Variants in PTPRO observed in about 807,000 individuals in gnomAD.
PTPRO encodes protein tyrosine phosphatase receptor type O.
In PTPRO, 62 loss-of-function variants were observed where a neutral mutation model predicts 145.2. The ratio of observed to expected loss-of-function variants is 0.43; its 90% CI spans 0.35 to 0.53. The LOEUF (loss-of-function observed/expected upper bound fraction) is 0.53. Among genes scored for constraint, PTPRO ranks in the 20% least tolerant of loss-of-function variants. PTPRO has a pLI of 0.01. For synonymous variants in PTPRO, 565 were observed against 514.7 expected, an observed-to-expected ratio of 1.10 and a Z score of -1.32; for missense variants, 1,345 against 1,482.7, an observed-to-expected ratio of 0.91 and a Z score of 1.53.
At chr12:15,530,207 C>T (rs116179960) in intron 12 of PTPRO, among the ~76,000 whole-genome samples, 28 of 152,178 alleles carry the variant, frequency 1.8e-4, no homozygotes, top group African/African-American at 6.8e-4. Context: ...GCACCCAACA[C>T]TGGAGCTCCT....
At chr12:15,448,611 A>T (rs10846177) in intron 1 of PTPRO, among the ~76,000 whole-genome samples, 130,715 of 152,046 alleles carry the variant, frequency 0.86, 59,068 homozygotes, top group Non-Finnish European at 0.99. Context: ...GGAAAAACAG[A>T]ATGGAGGCCT....
chr12:15,483,901 T>C lies in PTPRO; in HGVS notation c.76-73T>C. 5 of 1,488,936 alleles carry C rather than the reference T, an allele frequency of 3.4e-6. No homozygotes were observed. The East Asian group carries it at 1.1e-4, about 34-fold the overall frequency. 92.2% of individuals were successfully genotyped at this position (1,488,936 alleles called of 1,614,324 possible). A position where few individuals can be genotyped will look rare whatever the true frequency, so the allele number is the denominator to read the frequency against. On this transcript the variant is annotated intron_variant, in intron 1 of 26. Transcript: ENST00000281171. The stretch of plus-strand genomic sequence containing the variant: ...ATGATACACAACAATATGTAAAAAT[T>C]ATCTTAGCATAACTTTATTGCCAAT...
chr12:15,536,666 G>C (rs1226715160), intron 12 of PTPRO, among the ~76,000 whole-genome samples: 1 of 152,176 alleles, frequency 6.6e-6, no homozygotes, highest in Non-Finnish European at 1.5e-5. Flanking sequence ...AGATTGTTCA[G>C]GGCAAGGATA....
intron 1 of PTPRO, among the ~76,000 whole-genome samples, chr12:15,375,622 G>C (rs564164485): frequency 3.7e-4 from 56 of 151,842 alleles, no homozygotes; most frequent in Non-Finnish European, 4.7e-4. Flanking sequence ...CAGGCACGGT[G>C]GTGGGTGCCT....
intron 1 of PTPRO, among the ~76,000 whole-genome samples, chr12:15,347,707 G>A (rs967928863): frequency 9.8e-5 from 15 of 152,310 alleles, no homozygotes; most frequent in African/African-American, 3.6e-4. Flanking sequence ...CTGAACCAGA[G>A]ACTCTTAGTA....
intron 1 of PTPRO, among the ~76,000 whole-genome samples, chr12:15,382,211 C>T (rs139678962): frequency 2.6e-5 from 4 of 151,014 alleles, no homozygotes; most frequent in East Asian, 1.9e-4. Context: ...CAAAGCCTGA[C>T]GCATCTTGGT....
chr12:15,382,779 G>A (rs1938902813), intron 1 of PTPRO, among the ~76,000 whole-genome samples: 1 of 152,180 alleles, frequency 6.6e-6, no homozygotes, highest in Admixed American at 6.5e-5. Context: ...TTTTTAAGAT[G>A]TTGCAACTAA....
chr12:15,507,442 TAAATA>T (rs199941627), intron 6 of PTPRO, among the ~76,000 whole-genome samples: 36 of 104,860 alleles, frequency 3.4e-4, no homozygotes, highest in Middle Eastern at 5.7e-3. Context: ...AATAAATAAA[TAAATA>T]AATAAGGAAT....
At chr12:15,549,049 T>C (rs1200911346) in intron 13 of PTPRO, 45 bp from the exon 14 acceptor site, 2 of 1,585,852 alleles carry the variant, frequency 1.3e-6, no homozygotes, top group African/African-American at 1.3e-5. Context: ...TTAAAAAATA[T>C]AGATGAAGTT....
intron 1 of PTPRO, among the ~76,000 whole-genome samples, chr12:15,325,794 G>C (rs1866429103): frequency 6.6e-6 from 1 of 152,138 alleles, no homozygotes; most frequent in Admixed American, 6.5e-5. Context: ...GCAAATCGTG[G>C]AATATGACAT....
intron 23 of PTPRO, among the ~76,000 whole-genome samples, chr12:15,585,438 A>G (rs1033457701): frequency 6.6e-6 from 1 of 152,176 alleles, no homozygotes; most frequent in Non-Finnish European, 1.5e-5. Flanking sequence ...GCCCTTGAAC[A>G]TAGTAGGGGA....
intron 12 of PTPRO, among the ~76,000 whole-genome samples, chr12:15,530,027 A>G (rs1469058630): frequency 6.6e-6 from 1 of 152,220 alleles, no homozygotes; most frequent in Non-Finnish European, 1.5e-5. Flanking sequence ...GGGTGGAAAA[A>G]GATATTCCAT....
intron 1 of PTPRO, among the ~76,000 whole-genome samples, chr12:15,452,321 A>G (rs1482166762): frequency 6.6e-6 from 1 of 152,238 alleles, no homozygotes; most frequent in Non-Finnish European, 1.5e-5. Flanking sequence ...GAACAGGCCA[A>G]TAACGAGCAG....
intron 19 of PTPRO, among the ~76,000 whole-genome samples, chr12:15,571,295 T>G (rs1944041951): frequency 6.8e-6 from 1 of 147,646 alleles, no homozygotes; most frequent in Non-Finnish European, 1.5e-5. Context: ...TGTTTTGTTT[T>G]GTTTTGTTTT....
At chr12:15,575,994 G>A (rs1049668922) in intron 19 of PTPRO, among the ~76,000 whole-genome samples, 3 of 152,200 alleles carry the variant, frequency 2.0e-5, no homozygotes, top group African/African-American at 4.8e-5. Context: ...CTGGGGGTTA[G>A]GAGGTAGACG....
chr12:15,482,418 A>G (rs1304469110), intron 1 of PTPRO, among the ~76,000 whole-genome samples: 2 of 152,094 alleles, frequency 1.3e-5, no homozygotes, highest in Non-Finnish European at 2.9e-5. Context: ...AAGGGATGCA[A>G]AAGTATACCT....
At chr12:15,367,860 G>A (rs1471338193) in intron 1 of PTPRO, among the ~76,000 whole-genome samples, 2 of 152,112 alleles carry the variant, frequency 1.3e-5, no homozygotes, top group Non-Finnish European at 2.9e-5. Flanking sequence ...CACCATGCTC[G>A]TAACTTTCAT....
intron 2 of PTPRO, among the ~76,000 whole-genome samples, chr12:15,487,124 A>G (rs974460039): frequency 6.6e-6 from 1 of 151,992 alleles, no homozygotes; most frequent in Non-Finnish European, 1.5e-5. Flanking sequence ...CTTTTCACTC[A>G]TTGCTAACTT....
chr12:15,553,425 A>G (rs1193839122), intron 15 of PTPRO, among the ~76,000 whole-genome samples: 1 of 152,154 alleles, frequency 6.6e-6, no homozygotes, highest in East Asian at 1.9e-4. Context: ...AGAGACTTGA[A>G]GCACATGAGG....
Sources: allele counts gnomAD v4.1 joint callset (sites outside exome capture counted in the v4.1 genomes callset), GRCh38; gene constraint gnomAD v4.1.1; transcripts MANE v1.5; gene names NCBI Gene and HGNC (gene_info 2026-07-23, HGNC 2026-07-21).